The following FMN1 variants were observed in gnomAD, a reference collection of about 807,000 sequenced individuals.
FMN1 encodes the protein formin 1, also known as formin-1.
FMN1 carries 110 observed loss-of-function variants against 132.4 expected under a neutral mutation model. The ratio of observed to expected loss-of-function variants is 0.83; its 90% CI spans 0.71 to 0.97. The LOEUF (loss-of-function observed/expected upper bound fraction) is 0.97. FMN1 is among the 50% of genes least tolerant of loss of function. The pLI, the probability that FMN1 is intolerant of heterozygous loss-of-function variation, is 0.00. For missense variants in FMN1, 1,792 were observed against 1,705.3 expected (o/e 1.05, Z -0.90); for synonymous variants, 722 against 651.7 (o/e 1.11, Z -1.64).
In FMN1 at chr15:33,067,895, T is replaced by C. The variant is rs766107144; in HGVS notation, c.2044-2821A>G. On this transcript the variant is annotated intron_variant, in intron 5 of 20. Coordinates refer to ENST00000616417, the MANE Select transcript of FMN1 (RefSeq NM_001277313.2). ...ATCAACGTTCTCCATGTCTCAGTAA[T>C]GCCCTTGGTGGAAGTTCTGACTTGT... 7.5e-6 allele frequency: 12 copies of C among 1,594,778 alleles called. No homozygotes were observed. The East Asian group carries it at 1.6e-4, about 21-fold the overall frequency.
Position 32,964,244 on chromosome 15 carries a change from G to A in FMN1, c.3001C>T (p.Pro1001Ser), listed in dbSNP as rs199592529. 574 of 1,586,788 alleles carry A rather than the reference G, an allele frequency of 3.6e-4. 2 individuals carry two copies. In the African/African-American group the frequency reaches 6.7e-3, roughly 19 times the overall value. Residue 1001 changes from proline (P) to serine (S), a missense_variant, in exon 9 of 21, where the codon CCA becomes TCA. By Grantham distance (74) the Pro-to-Ser change is moderately conservative (BLOSUM62 -1). Around this residue, in one of 3 missense-constraint regions of FMN1, gnomAD observed 1,150 missense variants for 1,043.1 expected, o/e 1.10. Transcript: ENST00000616417. ...QISDRSQNAT[P>S]TLWDSLEEPD... ...TCTTCTAAGGAGTCCCATAAGGTTGGTGTAGCATTTTGGCTTAAAAGAGAA... is the reference window on the plus strand; with the variant it reads ...TCTTCTAAGGAGTCCCATAAGGTTGATGTAGCATTTTGGCTTAAAAGAGAA...
chr15:33,133,659 A>G (rs543277166), intron 4 of FMN1, among the ~76,000 whole-genome samples: 3 of 152,330 alleles, frequency 2.0e-5, no homozygotes, highest in South Asian at 4.1e-4. Context: ...CTTTCTTCAA[A>G]GGATCCTAAA....
At chr15:33,138,108 T>C (rs1963850289) in intron 4 of FMN1, among the ~76,000 whole-genome samples, 1 of 152,220 alleles carries the variant, frequency 6.6e-6, no homozygotes, top group Admixed American at 6.5e-5. Flanking sequence ...TGCTATTTGT[T>C]AACCAGTATC....
rs141695564 is a variant in FMN1, at chr15:32,823,340, A to T, written c.3929-19008T>A. Among the ~76,000 whole-genome samples, 12 of 151,394 alleles carry T rather than the reference A, an allele frequency of 7.9e-5. No individual in the cohort carries two copies. In the East Asian group the frequency reaches 2.1e-3, roughly 27 times the overall value. ...CCATGCCCAGTTAATTTCTTTTTGT[A>T]TTTTTAGTAGAGACAGGGTTTCACG... On this transcript the variant is annotated intron_variant, in intron 17 of 20. Coordinates refer to ENST00000616417, the MANE Select transcript of FMN1 (RefSeq NM_001277313.2).
intron 7 of FMN1, among the ~76,000 whole-genome samples, chr15:32,987,551 G>A (rs953761357): frequency 1.3e-5 from 2 of 152,100 alleles, no homozygotes; most frequent in Non-Finnish European, 2.9e-5. Context: ...TGATTAGGAG[G>A]ACTGAGGTGT....
At chr15:33,024,729 T>TA (rs2035587172) in intron 6 of FMN1, among the ~76,000 whole-genome samples, 1 of 152,190 alleles carries the variant, frequency 6.6e-6, no homozygotes, top group Non-Finnish European at 1.5e-5. Context: ...GTTCATCCTC[T>TA]AGTGAAGCAT....
At chr15:32,899,782 C>T (rs1489869774) in intron 14 of FMN1, 197 bp downstream of exon 14, 16 of 555,592 alleles carry the variant, frequency 2.9e-5, no homozygotes, top group South Asian at 1.0e-4. Context: ...TAAAGTCTAA[C>T]GTGAAAAAAA....
chr15:32,877,575 G>C (rs1304069760), intron 16 of FMN1, among the ~76,000 whole-genome samples: 11 of 152,162 alleles, frequency 7.2e-5, no homozygotes, highest in Admixed American at 7.2e-4. Context: ...AATCATCTCA[G>C]AAATTCAGGA....
At chr15:32,799,971 G>C (rs897291376) in intron 18 of FMN1, among the ~76,000 whole-genome samples, 5 of 151,952 alleles carry the variant, frequency 3.3e-5, no homozygotes, top group African/African-American at 2.4e-5. Flanking sequence ...CAGACACAGT[G>C]GTTTTTTTTT....
chr15:32,899,273 G>C (rs1017042730), intron 14 of FMN1, among the ~76,000 whole-genome samples: 11 of 152,270 alleles, frequency 7.2e-5, no homozygotes, highest in African/African-American at 2.6e-4. Flanking sequence ...TTCAAAAAAT[G>C]TGCGTTCTTA....
At chr15:33,129,281 T>C (rs1173368189) in intron 4 of FMN1, among the ~76,000 whole-genome samples, 1 of 152,238 alleles carries the variant, frequency 6.6e-6, no homozygotes, top group Non-Finnish European at 1.5e-5. Flanking sequence ...ATATGTGCTT[T>C]AAATATAAAT....
At chr15:33,193,624 A>T (rs1966158317) in intron 2 of FMN1, among the ~76,000 whole-genome samples, 1 of 152,128 alleles carries the variant, frequency 6.6e-6, no homozygotes, top group Admixed American at 6.5e-5. Context: ...CACTCCCCAT[A>T]TATATCACAG....
chr15:32,830,073 G>C (rs1444993344), intron 17 of FMN1, among the ~76,000 whole-genome samples: 1 of 151,984 alleles, frequency 6.6e-6, no homozygotes, highest in Admixed American at 6.6e-5. Context: ...CTAGTGAAGG[G>C]AAATTCACTT....
chr15:32,779,001 G>A (rs1249090950), intron 19 of FMN1, among the ~76,000 whole-genome samples: 1 of 152,150 alleles, frequency 6.6e-6, no homozygotes, highest in Non-Finnish European at 1.5e-5. Context: ...TGAATTTGCT[G>A]ATACATGCTA....
chr15:32,795,597 G>T (rs923531953), intron 19 of FMN1, among the ~76,000 whole-genome samples: 3 of 151,740 alleles, frequency 2.0e-5, no homozygotes, highest in Admixed American at 6.6e-5. Flanking sequence ...GGGGGTGGGG[G>T]GGTGGCAGGG....
intron 5 of FMN1, among the ~76,000 whole-genome samples, 193 bp downstream of exon 5, chr15:33,088,606 C>T (rs552454646): frequency 6.6e-6 from 1 of 152,312 alleles, no homozygotes; most frequent in South Asian, 2.1e-4. Flanking sequence ...AGACAAGTTG[C>T]TAGTTACTTT....
At chr15:33,111,684 T>C (rs2039711405) in intron 4 of FMN1, among the ~76,000 whole-genome samples, 3 of 152,168 alleles carry the variant, frequency 2.0e-5, no homozygotes, top group East Asian at 3.8e-4. Flanking sequence ...ATGTGGCCAG[T>C]CACAAAGACC....
intron 9 of FMN1, among the ~76,000 whole-genome samples, chr15:32,951,572 T>G (rs561424709): frequency 4.8e-4 from 73 of 152,250 alleles, no homozygotes; most frequent in African/African-American, 1.7e-3. Context: ...TTGCTTTCCT[T>G]TGGGATGACA....
intron 4 of FMN1, among the ~76,000 whole-genome samples, chr15:33,133,230 C>T (rs988363537): frequency 6.6e-6 from 1 of 152,154 alleles, no homozygotes; most frequent in Non-Finnish European, 1.5e-5. Context: ...CAGCCATCAA[C>T]AAAGAAGGAG....
Sources: gnomAD v4.1 joint callset for allele counts (sites outside exome capture counted in the v4.1 genomes callset) on GRCh38, gnomAD v4.1.1 for gene constraint, gnomAD v4.1.1 regional missense constraint, MANE v1.5 for transcripts, NCBI Gene and HGNC (gene_info 2026-07-23, HGNC 2026-07-21) for gene names.